DSCAML1: variants seen among roughly 807,000 people sequenced by gnomAD.
DSCAML1 encodes DS cell adhesion molecule like 1.
A neutral mutation model predicts 200.5 loss-of-function variants in DSCAML1; 38 were observed. That is an observed-to-expected ratio of 0.19 (90% CI 0.15 to 0.25). The LOEUF (loss-of-function observed/expected upper bound fraction) is 0.25. Among genes scored for constraint, DSCAML1 ranks in the 10% least tolerant of loss-of-function variants. DSCAML1 has a pLI of 1.00. For synonymous variants in DSCAML1, 1,215 were observed against 1,165.0 expected, an observed-to-expected ratio of 1.04 and a Z score of -0.87; for missense variants, 2,223 against 2,858.8, an observed-to-expected ratio of 0.78 and a Z score of 5.07.
At chr11:117,633,708 T>C (rs909765087) in intron 3 of DSCAML1, among the ~76,000 whole-genome samples, 1 of 152,172 alleles carries the variant, frequency 6.6e-6, no homozygotes, top group African/African-American at 2.4e-5. Flanking sequence ...AAATCCCTCC[T>C]TGGGATTGAA....
chr11:117,662,418 C>T (rs1187850782), intron 3 of DSCAML1, among the ~76,000 whole-genome samples: 3 of 152,346 alleles, frequency 2.0e-5, no homozygotes, highest in African/African-American at 7.2e-5. Flanking sequence ...CCCAAATGCC[C>T]GGAGGCAGAA....
chr11:117,711,158 C>G (rs182133300), intron 3 of DSCAML1, among the ~76,000 whole-genome samples: 182 of 152,262 alleles, frequency 1.2e-3, no homozygotes, highest in African/African-American at 4.1e-3. Flanking sequence ...GCCTCAGGGT[C>G]ATGGTTATGA....
Position 117,505,787 on chromosome 11 carries a change from C to T in DSCAML1, c.1784-55G>A. ...GACCCTGTGCATTCTCACCTGGCCG[C>T]CAACGCCGCCTCACCTGCCTTACCT... is the stretch of plus-strand genomic sequence containing the variant. On this transcript the variant is annotated intron_variant, in intron 8 of 32. Transcript: ENST00000651296. This position sits in a 1 kb window ranked among gnomAD's most constrained non-coding sequence, Gnocchi z 6.7. The T allele has an allele frequency of 6.4e-7, 1 of 1,553,718 alleles. No homozygotes were observed. Among genetic ancestry groups the T allele is most frequent in the Non-Finnish European group, 8.7e-7 (1 of 1,151,772 alleles).
intron 3 of DSCAML1, among the ~76,000 whole-genome samples, chr11:117,586,757 C>G (rs117216310): frequency 6.6e-6 from 1 of 152,218 alleles, no homozygotes; most frequent in Non-Finnish European, 1.5e-5. Context: ...CTGGGCAATA[C>G]AAAGATTCCT....
At chr11:117,640,641 G>A (rs1193375166) in intron 3 of DSCAML1, among the ~76,000 whole-genome samples, 4 of 152,118 alleles carry the variant, frequency 2.6e-5, no homozygotes, top group South Asian at 2.1e-4. Context: ...TTAACCTCAC[G>A]CCTTCTTGTC....
chr11:117,781,313 A>G (rs1382612594), intron 1 of DSCAML1, among the ~76,000 whole-genome samples: 1 of 151,928 alleles, frequency 6.6e-6, no homozygotes, highest in Non-Finnish European at 1.5e-5. Flanking sequence ...AAAGAAAGAA[A>G]GAAAAAAAGA....
chr11:117,444,460 G>A (rs983691436), intron 20 of DSCAML1, among the ~76,000 whole-genome samples: 2 of 152,114 alleles, frequency 1.3e-5, no homozygotes, highest in African/African-American at 4.8e-5. Flanking sequence ...TTGGAGACAG[G>A]CTCCTGCAGC....
At chr11:117,734,684 G>C (rs1432761937) in intron 3 of DSCAML1, among the ~76,000 whole-genome samples, 3 of 152,204 alleles carry the variant, frequency 2.0e-5, no homozygotes, top group Non-Finnish European at 2.9e-5. Context: ...GTAAGCTCCA[G>C]AGGGGGCAGG....
rs1468626773 is a variant in DSCAML1, at chr11:117,503,742, A to G, written c.2359+103T>C. 1.5e-6 allele frequency: 2 copies of G among 1,340,772 alleles called. No individual in the cohort carries two copies. Among genetic ancestry groups the G allele is most frequent in the South Asian group, 1.5e-5 (1 of 67,904 alleles). 83.1% of individuals were successfully genotyped at this position (1,340,772 alleles called of 1,614,324 possible). ...TAGGAAGCCTTCCTGCCTCCCCTTC[A>G]TAGATGAAACGACGGAGACTAAGAG... On this transcript the variant is annotated intron_variant, in intron 11 of 32. Transcript: ENST00000651296. This position sits in a 1 kb window ranked among gnomAD's most constrained non-coding sequence, Gnocchi z 5.2.
At chr11:117,450,393 G>A (rs1168783568) in intron 20 of DSCAML1, among the ~76,000 whole-genome samples, 156 bp downstream of exon 20, 2 of 152,326 alleles carry the variant, frequency 1.3e-5, no homozygotes, top group Non-Finnish European at 2.9e-5. Context: ...GTAAGGCTTC[G>A]GCCACTCTGG....
At chr11:117,525,148 G>A (rs1391441701) in intron 4 of DSCAML1, 65 bp from the exon 5 acceptor site, 11 of 1,462,352 alleles carry the variant, frequency 7.5e-6, no homozygotes, top group Non-Finnish European at 9.0e-6. Flanking sequence ...CGCTGGGGGA[G>A]GGAAGGCAAG....
At chr11:117,508,440 CACAA>C (rs1228053831) in intron 8 of DSCAML1, among the ~76,000 whole-genome samples, 2 of 152,110 alleles carry the variant, frequency 1.3e-5, no homozygotes, top group East Asian at 3.9e-4. Flanking sequence ...TGAGGAAATG[CACAA>C]ACATACGTCT....
chr11:117,654,340 G>T (rs1591366758), intron 3 of DSCAML1, among the ~76,000 whole-genome samples: 1 of 152,146 alleles, frequency 6.6e-6, no homozygotes, highest in Non-Finnish European at 1.5e-5. Flanking sequence ...TGGGTGTATT[G>T]TATGGTATAA....
intron 3 of DSCAML1, among the ~76,000 whole-genome samples, chr11:117,669,860 C>T (rs1219368558): frequency 6.6e-6 from 1 of 152,216 alleles, no homozygotes; most frequent in Non-Finnish European, 1.5e-5. Flanking sequence ...GTGGCTATAG[C>T]TCAATGAGCA....
At chr11:117,688,918 T>C (rs545374042) in intron 3 of DSCAML1, among the ~76,000 whole-genome samples, 1 of 152,176 alleles carries the variant, frequency 6.6e-6, no homozygotes, top group Admixed American at 6.5e-5. Context: ...CCATGGAAAG[T>C]GAGTAACCCT....
chr11:117,812,196 C>G (rs2055766986), intron 1 of DSCAML1, among the ~76,000 whole-genome samples: 1 of 152,152 alleles, frequency 6.6e-6, no homozygotes, highest in Middle Eastern at 3.2e-3. Context: ...CCTTGGCGAC[C>G]AATCATGCAC....
chr11:117,557,165 T>C (rs972295146), intron 3 of DSCAML1, among the ~76,000 whole-genome samples: 12 of 152,092 alleles, frequency 7.9e-5, no homozygotes, highest in Admixed American at 7.2e-4. Context: ...GAGTCAGGTG[T>C]CATGAGTGGG....
chr11:117,621,085 A>G (rs562062920), intron 3 of DSCAML1, among the ~76,000 whole-genome samples: 17 of 152,232 alleles, frequency 1.1e-4, no homozygotes, highest in Non-Finnish European at 2.5e-4. Context: ...TGGACATGGC[A>G]TCTGGGATGA....
chr11:117,758,457 A>G (rs2054736980), intron 3 of DSCAML1, among the ~76,000 whole-genome samples: 1 of 151,052 alleles, frequency 6.6e-6, no homozygotes, highest in African/African-American at 2.4e-5. Flanking sequence ...GCTGGAGTGC[A>G]GTGGCGCGAT....
Sources: allele counts gnomAD v4.1 joint callset (sites outside exome capture counted in the v4.1 genomes callset), GRCh38; gene constraint gnomAD v4.1.1; non-coding constraint Gnocchi (gnomAD v3.1); transcripts MANE v1.5; gene names NCBI Gene and HGNC (gene_info 2026-07-23, HGNC 2026-07-21).